ERMP1: variants seen among roughly 807,000 people sequenced by gnomAD.
ERMP1 encodes the protein endoplasmic reticulum metallopeptidase 1, also known as Felix-ina.
A neutral mutation model predicts 92.0 loss-of-function variants in ERMP1; 86 were observed. That is an observed-to-expected ratio of 0.93 (90% confidence interval 0.79 to 1.12). ERMP1 has a LOEUF of 1.12. ERMP1 is among the 50% of genes most tolerant of loss of function. ERMP1 has a pLI of 0.00. For synonymous variants in ERMP1, 530 were observed against 412.8 expected (o/e 1.28, Z -3.44); for missense variants, 1,342 against 1,116.3 (o/e 1.20, Z -2.88).
At chr9:5,846,196 C>A (rs1433455389) in intron 6 of ERMP1, among the ~76,000 whole-genome samples, 3 of 152,128 alleles carry the variant, frequency 2.0e-5, no homozygotes, top group Non-Finnish European at 2.9e-5. Context: ...AGGCCAGAGG[C>A]AAGGCCAGGG....
In ERMP1 at chr9:5,831,018, C is replaced by G; in HGVS notation, c.349G>C (p.Glu117Gln). 1 of 1,609,094 alleles carries G rather than the reference C, an allele frequency of 6.2e-7. No individual in the cohort carries two copies. Among genetic ancestry groups the G allele is most frequent in the Non-Finnish European group, 8.5e-7 (1 of 1,176,866 alleles). ...FDALQARDYL[E>Q]HITSIGPRTT... ...CTGGGGCCAATGGAGGTTATGTGTT[C>G]AAGATAATCCCTGGAAGTAACCAAA... Residue 117 changes from glutamate to glutamine, a missense_variant, in exon 2 of 15, where the codon GAA (glutamate) becomes CAA (glutamine). Physicochemically the swap from Glu to Gln is conservative, Grantham distance 29. Coordinates refer to ENST00000339450, the MANE Select transcript of ERMP1 (RefSeq NM_024896.3).
chr9:5,806,687 A>G (rs1184385578), intron 8 of ERMP1, among the ~76,000 whole-genome samples: 1 of 151,940 alleles, frequency 6.6e-6, no homozygotes, highest in Non-Finnish European at 1.5e-5. Flanking sequence ...CAGTCTTCCC[A>G]CCTCAGCCTC....
Position 5,812,611 on chromosome 9 carries a change from C to T in ERMP1, c.1021+278G>A, listed in dbSNP as rs888668920. On this transcript the variant is annotated intron_variant, in intron 5 of 14. Transcript: ENST00000339450. ...GGCAAACCAAGACAACAACGAAAGA[C>T]CCCTGAAGGATCTATTACCATCTTT... 6 of 477,744 alleles carry T rather than the reference C, an allele frequency of 1.3e-5. No individual in the cohort carries two copies. The Admixed American group carries it at 2.1e-4, about 17-fold the overall frequency. 29.6% of individuals were successfully genotyped at this position (477,744 alleles called of 1,614,324 possible).
chr9:5,789,586 C>T (rs531294732), intron 13 of ERMP1, among the ~76,000 whole-genome samples: 1 of 152,234 alleles, frequency 6.6e-6, no homozygotes, highest in Non-Finnish European at 1.5e-5. Flanking sequence ...GCTCTATCAC[C>T]TAGGTTCGAG....
At position 5,797,917 on chromosome 9, in the gene ERMP1, A is replaced by C. The variant is rs1459353330; in HGVS notation, c.2286T>G (p.Leu762=). ...TTCTTGGAGAAACTTCTGGGGCAGG[A>C]AGATACCAGTTTTTCCTATTTAGAA... ...VHFLIRKNWY[L]PAPEVSPRNP... Residue 762 remains leucine (L), a synonymous_variant, in exon 13 of 15, where the codon CTT becomes CTG. Coordinates refer to ENST00000339450, the MANE Select transcript of ERMP1 (RefSeq NM_024896.3). 1 of 1,611,102 alleles carries C rather than the reference A, an allele frequency of 6.2e-7. No homozygotes were observed. The highest frequency in any genetic ancestry group is 1.7e-5 in the Admixed American group (1 of 59,902).
chr9:5,799,116 G>C, intron 11 of ERMP1, 108 bp from the exon 12 acceptor site: 2 of 721,138 alleles, frequency 2.8e-6, no homozygotes, highest in South Asian at 1.8e-5. Context: ...TGTGGATATG[G>C]AGCAAGTGAA....
intron 2 of ERMP1, 53 bp from the exon 3 acceptor site, chr9:5,825,272 T>A: frequency 1.3e-6 from 2 of 1,563,764 alleles, no homozygotes; most frequent in Admixed American, 1.8e-5. Context: ...GTTTACAATA[T>A]GACCCATTAG....
chr9:5,815,734 G>C (rs1384738336), intron 4 of ERMP1, among the ~76,000 whole-genome samples: 1 of 151,932 alleles, frequency 6.6e-6, no homozygotes, highest in African/African-American at 2.4e-5. Flanking sequence ...CTTGTACAAA[G>C]AAAGAAATAG....
chr9:5,808,050 C>T (rs1475352164), intron 8 of ERMP1, among the ~76,000 whole-genome samples: 1 of 152,102 alleles, frequency 6.6e-6, no homozygotes, highest in Non-Finnish European at 1.5e-5. Context: ...GTCTCAAACT[C>T]CTGGCCTCAA....
In ERMP1 at chr9:5,790,435, G is replaced by A. The variant is rs150564770; in HGVS notation, c.2387-2842C>T. Among the ~76,000 whole-genome samples the A allele has an allele frequency of 2.2e-3, 339 of 152,236 alleles. 1 individual carries two copies. Among genetic ancestry groups the A allele is most frequent in the African/African-American group, 7.9e-3 (329 of 41,534 alleles). On this transcript the variant is annotated intron_variant, in intron 13 of 14. Coordinates refer to ENST00000339450, the MANE Select transcript of ERMP1 (RefSeq NM_024896.3). ...AATACTGTGACAACTGAGGCCAAAT[G>A]TATGAGTAATAAAAATTAATGTAAA...
intron 2 of ERMP1, among the ~76,000 whole-genome samples, chr9:5,829,940 T>C (rs558081338): frequency 3.3e-5 from 5 of 152,376 alleles, no homozygotes; most frequent in African/African-American, 7.2e-5. Context: ...ATTTAGGGGA[T>C]TCCCATTCAT....
At chr9:5,799,067 C>A in intron 11 of ERMP1, 59 bp from the exon 12 acceptor site, 1 of 1,227,376 alleles carries the variant, frequency 8.1e-7, no homozygotes, top group South Asian at 1.3e-5. Context: ...ATTCCCACCC[C>A]AGATTACAAA....
At chr9:5,859,156 G>A (rs1183378107) in intron 6 of ERMP1, among the ~76,000 whole-genome samples, 1 of 152,080 alleles carries the variant, frequency 6.6e-6, no homozygotes, top group African/African-American at 2.4e-5. Flanking sequence ...TTTTCCATTT[G>A]CTTCCTCTTT....
chr9:5,819,208 A>T (rs1047661749), intron 4 of ERMP1, among the ~76,000 whole-genome samples: 2 of 152,204 alleles, frequency 1.3e-5, no homozygotes, highest in African/African-American at 4.8e-5. Context: ...AACATAATAC[A>T]TCCATACAAT....
At chr9:5,857,387 C>G (rs916836043) in intron 6 of ERMP1, among the ~76,000 whole-genome samples, 2 of 152,144 alleles carry the variant, frequency 1.3e-5, no homozygotes, top group African/African-American at 4.8e-5. Context: ...TTTGCCTCGG[C>G]TGGGCACGTG....
At chr9:5,833,577 A>G (rs1325267220), upstream of ERMP1, among the ~76,000 whole-genome samples, 1 of 152,234 alleles carries the variant, frequency 6.6e-6, no homozygotes, top group Non-Finnish European at 1.5e-5. Flanking sequence ...TACTGTCTCC[A>G]TTTAACAGAT....
intron 13 of ERMP1, among the ~76,000 whole-genome samples, chr9:5,788,353 C>T (rs116645344): frequency 6.6e-6 from 1 of 152,238 alleles, no homozygotes; most frequent in South Asian, 2.1e-4. Context: ...GTTTACAGGG[C>T]AGGGACTTAA....
intron 6 of ERMP1, among the ~76,000 whole-genome samples, chr9:5,859,078 A>AGCC: frequency 6.6e-6 from 1 of 152,338 alleles, no homozygotes; most frequent in African/African-American, 2.4e-5. Flanking sequence ...CATCACGGCT[A>AGCC]GCAAGAGGTG....
chr9:5,812,093 T>G (rs749441364), intron 6 of ERMP1, 32 bp downstream of exon 6: 1 of 1,274,148 alleles, frequency 7.8e-7, no homozygotes, highest in South Asian at 1.3e-5. Flanking sequence ...TCCATCTTAG[T>G]GTATATCAAA....
Sources: allele counts gnomAD v4.1 joint callset (sites outside exome capture counted in the v4.1 genomes callset), GRCh38; gene constraint gnomAD v4.1.1; transcripts MANE v1.5; gene names NCBI Gene and HGNC (gene_info 2026-07-23, HGNC 2026-07-21).